Variants in BEND7 observed in about 807,000 individuals in gnomAD.
BEND7 encodes BEN domain-containing protein 7.
BEND7 carries 28 observed loss-of-function variants against 50.9 expected under a neutral mutation model. That is an observed-to-expected ratio of 0.55 (90% CI 0.41 to 0.75). The LOEUF is 0.75. Among genes scored for constraint, BEND7 ranks in the 30% least tolerant of loss-of-function variants. The pLI, the probability that BEND7 is intolerant of heterozygous loss-of-function variation, is 0.00. For missense variants in BEND7, 477 were observed against 491.3 expected (o/e 0.97, Z 0.28); for synonymous variants, 170 against 183.9 (o/e 0.92, Z 0.61).
chr10:13,474,936 C>G (rs2075318051), intron 6 of BEND7, among the ~76,000 whole-genome samples: 1 of 152,242 alleles, frequency 6.6e-6, no homozygotes, highest in South Asian at 2.1e-4. Context: ...ATCAGAATCT[C>G]CTGTGGTTGT....
Position 13,496,819 on chromosome 10 carries a change from T to G in BEND7, c.518A>C (p.Gln173Pro). The G allele has an allele frequency of 6.2e-7, 1 of 1,613,142 alleles. No individual in the cohort carries two copies. Among genetic ancestry groups the G allele is most frequent in the East Asian group, 2.2e-5 (1 of 44,784 alleles). Reference protein sequence around the residue: ...CCTCNCQSTLQAILQELKTMR... With the variant: ...CCTCNCQSTLPAILQELKTMR... Reference sequence around the variant, plus strand: ...GGTCTTGAGTTCTTGTAGAATGGCCTGCAACGTTGACTGGCAGTTACAAGT... The same window carrying G: ...GGTCTTGAGTTCTTGTAGAATGGCCGGCAACGTTGACTGGCAGTTACAAGT... The change falls in exon 4 of 9, where the codon CAG becomes CCG. Residue 173 changes from glutamine (Q) to proline (P), a missense_variant. By Grantham distance (76) the Gln-to-Pro change is moderately conservative. Around this residue, in one of 3 missense-constraint regions of BEND7, gnomAD observed 396 missense variants for 384.2 expected, o/e 1.03. Coordinates refer to ENST00000466271, the MANE Select transcript of BEND7 (RefSeq NM_001369863.1).
chr10:13,448,838 G>A (rs1564503503), intron 7 of BEND7, among the ~76,000 whole-genome samples: 1 of 152,106 alleles, frequency 6.6e-6, no homozygotes, highest in Admixed American at 6.5e-5. Context: ...AGCCAAGAGA[G>A]GTGGCAGGCG....
At chr10:13,462,747 G>GA (rs1004662880) in intron 6 of BEND7, among the ~76,000 whole-genome samples, 1 of 152,216 alleles carries the variant, frequency 6.6e-6, no homozygotes, top group Non-Finnish European at 1.5e-5. Flanking sequence ...GGAGAGGAAA[G>GA]AGAGAGTAGA....
intron 2 of BEND7, among the ~76,000 whole-genome samples, chr10:13,524,541 G>C (rs1248427829): frequency 1.3e-5 from 2 of 151,786 alleles, no homozygotes; most frequent in African/African-American, 4.8e-5. Flanking sequence ...CTACTCAGGA[G>C]GCTGAGGCAG....
chr10:13,491,508 A>G (rs2076660067), intron 5 of BEND7, among the ~76,000 whole-genome samples: 1 of 151,968 alleles, frequency 6.6e-6, no homozygotes, highest in African/African-American at 2.4e-5. Flanking sequence ...ATGATGTTTT[A>G]AAATTAAATT....
chr10:13,499,621 A>T, intron 3 of BEND7, 157 bp downstream of exon 3: 1 of 890,472 alleles, frequency 1.1e-6, no homozygotes, highest in Non-Finnish European at 1.6e-6. Context: ...ATAGTCTTCA[A>T]CTCTTTCCTT....
At chr10:13,513,518 CTAGGAGTTA>C (rs1348248999) in intron 2 of BEND7, among the ~76,000 whole-genome samples, 2 of 152,198 alleles carry the variant, frequency 1.3e-5, no homozygotes, top group African/African-American at 4.8e-5. Context: ...AGCCAAAAAC[CTAGGAGTTA>C]TTCCTCCTCC....
In BEND7 at chr10:13,452,593, G is replaced by T; in HGVS notation, c.1129C>A (p.Gln377Lys). Residue 377 changes from glutamine (Q) to lysine (K), a missense_variant, in exon 7 of 9, where the codon CAG becomes AAG. This residue lies in a region of BEND7 where 64 missense variants were observed against 68.5 expected (regional missense o/e 0.93). Coordinates refer to ENST00000466271, the MANE Select transcript of BEND7 (RefSeq NM_001369863.1). Reference sequence around the variant, plus strand: ...AGTTTAATTTGATCCTGTAGAATCTGTACCCAATCTCTTGGGCCAGGAAGC... The same window carrying T: ...AGTTTAATTTGATCCTGTAGAATCTTTACCCAATCTCTTGGGCCAGGAAGC... ...DKLPGPRDWV[Q>K]ILQDQIKLAR... The T allele has an allele frequency of 6.2e-7, 1 of 1,613,428 alleles. No homozygotes were observed.
At chr10:13,470,064 G>A (rs189050639) in intron 6 of BEND7, among the ~76,000 whole-genome samples, 13 of 152,300 alleles carry the variant, frequency 8.5e-5, no homozygotes, top group Non-Finnish European at 1.5e-4. Context: ...AAACAATTCT[G>A]CTTCCCCACA....
At chr10:13,472,549 T>A (rs2074974991) in intron 6 of BEND7, among the ~76,000 whole-genome samples, 2 of 151,814 alleles carry the variant, frequency 1.3e-5, no homozygotes, top group Non-Finnish European at 2.9e-5. Flanking sequence ...GCTGTTGGAC[T>A]TGGGGCCGAT....
intron 2 of BEND7, among the ~76,000 whole-genome samples, chr10:13,515,484 T>C (rs977849727): frequency 1.3e-5 from 2 of 152,216 alleles, no homozygotes; most frequent in Admixed American, 1.3e-4. Context: ...AGAAAACAAT[T>C]TTATAGATTC....
intron 2 of BEND7, among the ~76,000 whole-genome samples, chr10:13,501,192 T>C (rs1340592115): frequency 6.6e-6 from 1 of 151,782 alleles, no homozygotes; most frequent in Non-Finnish European, 1.5e-5. Context: ...CTGACCAACA[T>C]GGAGAAACCC....
intron 4 of BEND7, among the ~76,000 whole-genome samples, 189 bp downstream of exon 4, chr10:13,496,577 A>C (rs1215676280): frequency 6.6e-6 from 1 of 152,238 alleles, no homozygotes; most frequent in Non-Finnish European, 1.5e-5. Flanking sequence ...GTAGCAAGAC[A>C]AAATATGTTT....
intron 6 of BEND7, among the ~76,000 whole-genome samples, chr10:13,461,562 G>A (rs1418245508): frequency 1.3e-5 from 2 of 152,100 alleles, no homozygotes; most frequent in African/African-American, 2.4e-5. Context: ...GCCAAACTCC[G>A]TCTCTACCAA....
At chr10:13,505,596 A>G (rs1281097464) in intron 2 of BEND7, among the ~76,000 whole-genome samples, 2 of 152,180 alleles carry the variant, frequency 1.3e-5, no homozygotes, top group East Asian at 3.9e-4. Context: ...TGCTTGTGCC[A>G]TTAAAGGCCC....
Position 13,528,511 on chromosome 10 carries a change from C to G in BEND7, c.23G>C (p.Arg8Thr). The change falls in exon 1 of 9, where the codon AGA becomes ACA. Residue 8 changes from arginine to threonine, a missense_variant. Around this residue, in one of 3 missense-constraint regions of BEND7, gnomAD observed 396 missense variants for 384.2 expected, o/e 1.03. Transcript: ENST00000466271. ...TTTGAAGCTCTGGGATTTCCTGCTT[C>G]TTTTCCTCTCGGAGAACTCCATGGT... Reference protein sequence around the residue: MEFSERKRSRKSQSFKLV... With the variant: MEFSERKTSRKSQSFKLV... 9.6e-7 allele frequency: 1 copy of G among 1,038,836 alleles called. No individual in the cohort carries two copies. Among genetic ancestry groups the G allele is most frequent in the Non-Finnish European group, 1.2e-6 (1 of 863,826 alleles). The allele number at this position is 1,038,836 out of a possible 1,614,324, so 64.4% of individuals were successfully genotyped here. A position where few individuals can be genotyped will look rare whatever the true frequency, so the allele number is the denominator to read the frequency against.
At chr10:13,454,116 A>G (rs1838396384) in intron 6 of BEND7, among the ~76,000 whole-genome samples, 1 of 152,206 alleles carries the variant, frequency 6.6e-6, no homozygotes, top group Non-Finnish European at 1.5e-5. Flanking sequence ...AGGGCCTCTC[A>G]GAGAACTGGC....
Position 13,441,473 on chromosome 10 carries a change from A to T in BEND7, c.*270T>A. The T allele has an allele frequency of 3.1e-6, 4 of 1,290,450 alleles. No individual in the cohort carries two copies. Among genetic ancestry groups the T allele is most frequent in the Non-Finnish European group, 3.9e-6 (4 of 1,018,254 alleles). The allele number at this position is 1,290,450 out of a possible 1,614,324, so 79.9% of individuals were successfully genotyped here. A position where few individuals can be genotyped will look rare whatever the true frequency, so the allele number is the denominator to read the frequency against. ...CACATCTTTGGGTTGAACAAGCTCC[A>T]CCCGTCCTCAAGTGCTGAACACCCC... On this transcript the variant is annotated 3_prime_UTR_variant, in exon 9 of 9. Coordinates refer to ENST00000466271, the MANE Select transcript of BEND7 (RefSeq NM_001369863.1).
At position 13,480,092 on chromosome 10, in the gene BEND7, A is replaced by G. The variant is rs549958573; in HGVS notation, c.1063+807T>C. On this transcript the variant is annotated intron_variant, in intron 6 of 8. Transcript: ENST00000466271. ...TGATTCAGAGTCTCATTTTTCATGG[A>G]GTTGTGTTTAGTTTTGAGACTTGGT... 8.5e-5 allele frequency among the ~76,000 whole-genome samples: 13 copies of G among 152,200 alleles called. No individual in the cohort carries two copies. In the South Asian group the frequency reaches 2.5e-3, roughly 29 times the overall value.
Sources: allele counts gnomAD v4.1 joint callset (sites outside exome capture counted in the v4.1 genomes callset), GRCh38; gene constraint gnomAD v4.1.1; regional missense constraint gnomAD v4.1.1; transcripts MANE v1.5; gene names NCBI Gene and HGNC (gene_info 2026-07-23, HGNC 2026-07-21).